The following RADIL variants were observed in gnomAD, a reference collection of about 807,000 sequenced individuals.
RADIL encodes Rap associating with DIL domain.
Under a neutral mutation model 97.6 loss-of-function variants are expected in RADIL, and 99 were observed. The ratio of observed to expected loss-of-function variants is 1.01; its 90% CI spans 0.86 to 1.20. RADIL has a LOEUF of 1.20. RADIL is among the 50% of genes most tolerant of loss of function. The pLI is 0.00. For missense variants in RADIL, 1,765 were observed against 1,498.9 expected, an observed-to-expected ratio of 1.18 and a Z score of -2.93; for synonymous variants, 803 against 691.8, an observed-to-expected ratio of 1.16 and a Z score of -2.52.
chr7:4,818,611 G>A lies in RADIL; in HGVS notation c.1616-1260C>T, dbSNP rs1423183241. Reference sequence around the variant, plus strand: ...TGTGCCCAGAAGCCTCCAGGCCTGTGGAGACACACAAGGTGGCCCGACGGC... The same window carrying A: ...TGTGCCCAGAAGCCTCCAGGCCTGTAGAGACACACAAGGTGGCCCGACGGC... On this transcript the variant is annotated intron_variant, in intron 6 of 14. Coordinates refer to ENST00000399583, the MANE Select transcript of RADIL (RefSeq NM_018059.5). This position sits in a 1 kb window ranked among gnomAD's most constrained non-coding sequence, Gnocchi z 7.1. Among the ~76,000 whole-genome samples the A allele has an allele frequency of 6.6e-6, 1 of 152,206 alleles. No individual in the cohort carries two copies. Among genetic ancestry groups the A allele is most frequent in the Non-Finnish European group, 1.5e-5 (1 of 68,044 alleles).
intron 2 of RADIL, among the ~76,000 whole-genome samples, chr7:4,848,177 G>A (rs1048463795): frequency 6.7e-6 from 1 of 150,182 alleles, no homozygotes; most frequent in African/African-American, 2.5e-5. Flanking sequence ...TCCAGCCTGG[G>A]TGACTGCACA....
chr7:4,801,049 C>CA (rs1782066774), intron 12 of RADIL, among the ~76,000 whole-genome samples: 1 of 152,226 alleles, frequency 6.6e-6, no homozygotes, highest in Non-Finnish European at 1.5e-5. Flanking sequence ...CACAGCCATG[C>CA]ACACATGTGC....
chr7:4,805,391 G>A lies in RADIL; in HGVS notation c.2290+175C>T, dbSNP rs1435831325. 7.1e-6 allele frequency: 5 copies of A among 700,382 alleles called. No homozygotes were observed. The South Asian group carries it at 2.4e-4, about 34-fold the overall frequency. 43.4% of individuals were successfully genotyped at this position (700,382 alleles called of 1,614,324 possible). A position where few individuals can be genotyped will look rare whatever the true frequency, so the allele number is the denominator to read the frequency against. Reference sequence around the variant, plus strand: ...GCCGAGGAGGTCCCCGGATCCCCAGGTTGGGGATGGGGCGGGGCGGGGGGG... The same window carrying A: ...GCCGAGGAGGTCCCCGGATCCCCAGATTGGGGATGGGGCGGGGCGGGGGGG... On this transcript the variant is annotated intron_variant, in intron 10 of 14. Coordinates refer to ENST00000399583, the MANE Select transcript of RADIL (RefSeq NM_018059.5).
At position 4,805,646 on chromosome 7, in the gene RADIL, T is replaced by A. The variant is rs1307854380; in HGVS notation, c.2210A>T (p.His737Leu). Reference sequence around the variant, plus strand: ...GCCCATGGCCGAGGCCAGCTGGTAGTGAGTCAGCAGCCGGTGCAGCTGTGC... The same window carrying A: ...GCCCATGGCCGAGGCCAGCTGGTAGAGAGTCAGCAGCCGGTGCAGCTGTGC... ...SPAQLHRLLT[H>L]YQLASAMGPM... The change falls in exon 10 of 15, where the codon CAC becomes CTC. Residue 737 changes from histidine to leucine, a missense_variant. His to Leu is a moderately conservative substitution (Grantham distance 99). Transcript: ENST00000399583. The A allele has an allele frequency of 1.9e-6, 3 of 1,611,698 alleles. No homozygotes were observed. The East Asian group carries it at 6.7e-5, about 36-fold the overall frequency.
At chr7:4,852,333 T>C (rs779949738) in intron 2 of RADIL, among the ~76,000 whole-genome samples, 4 of 152,162 alleles carry the variant, frequency 2.6e-5, no homozygotes, top group African/African-American at 9.7e-5. Context: ...GCTGAGAGAC[T>C]ACCCCAGGCC....
chr7:4,827,869 T>C (rs1783041144), intron 5 of RADIL, among the ~76,000 whole-genome samples: 4 of 152,028 alleles, frequency 2.6e-5, no homozygotes, highest in African/African-American at 9.7e-5. Flanking sequence ...GTGAACCTTG[T>C]TACTAAAATC....
chr7:4,808,235 C>A (rs1003350968), intron 9 of RADIL, among the ~76,000 whole-genome samples: 4 of 150,354 alleles, frequency 2.7e-5, no homozygotes, highest in Non-Finnish European at 3.0e-5. Flanking sequence ...CCCTCTCTCT[C>A]CCCGCTCCTC....
At chr7:4,851,147 G>C (rs1483050130) in intron 2 of RADIL, among the ~76,000 whole-genome samples, 2 of 151,616 alleles carry the variant, frequency 1.3e-5, no homozygotes, top group Non-Finnish European at 2.9e-5. Flanking sequence ...GGAAGTTGCA[G>C]TGAGCCGAGC....
At chr7:4,806,820 G>A (rs763908814) in intron 9 of RADIL, among the ~76,000 whole-genome samples, 5 of 152,184 alleles carry the variant, frequency 3.3e-5, no homozygotes, top group Admixed American at 2.0e-4. Flanking sequence ...GTCACCCTTC[G>A]GATTCTGCAG....
At chr7:4,832,345 G>A in intron 4 of RADIL, 167 bp from the exon 5 acceptor site, 2 of 663,282 alleles carry the variant, frequency 3.0e-6, no homozygotes, top group Admixed American at 2.3e-5. Context: ...TTTTCCATGT[G>A]ACTTCAACAT....
Position 4,873,618 on chromosome 7 carries a change from A to G in RADIL, c.535+3987T>C, listed in dbSNP as rs1038077733. The stretch of plus-strand genomic sequence containing the variant: ...CATCCCGCCGTCCTTTTGAAACTAC[A>G]CCACCCACTTCAGTAGGATTTGTTT... On this transcript the variant is annotated intron_variant, in intron 2 of 14. Transcript: ENST00000399583. The surrounding 1 kb of genome is among the most constrained non-coding windows in gnomAD (Gnocchi z 4.3). 6.6e-6 allele frequency among the ~76,000 whole-genome samples: 1 copy of G among 152,030 alleles called. No individual in the cohort carries two copies. Among genetic ancestry groups the G allele is most frequent in the Non-Finnish European group, 1.5e-5 (1 of 68,006 alleles).
chr7:4,861,903 G>A (rs1784018393), intron 2 of RADIL: 1 of 738,482 alleles, frequency 1.4e-6, no homozygotes, highest in Non-Finnish European at 1.9e-6. Context: ...GGAAGGGCAG[G>A]GCTTCTAGCT....
At chr7:4,808,887 T>C (rs1583269082) in intron 9 of RADIL, 2 of 847,182 alleles carry the variant, frequency 2.4e-6, no homozygotes, top group Non-Finnish European at 2.6e-6. Flanking sequence ...CCAACGCCAC[T>C]GCCCCCCGTT....
intron 2 of RADIL, chr7:4,859,963 A>C: frequency 6.2e-7 from 1 of 1,614,032 alleles, no homozygotes; most frequent in African/African-American, 1.3e-5. Context: ...GACATGTTGA[A>C]GAAACAACTC....
chr7:4,828,322 G>A (rs1783052036), intron 5 of RADIL, among the ~76,000 whole-genome samples: 1 of 152,240 alleles, frequency 6.6e-6, no homozygotes, highest in Non-Finnish European at 1.5e-5. Context: ...AGCTGGGCAT[G>A]GTGGCGTGCA....
chr7:4,876,624 C>CAG (rs57516358), intron 2 of RADIL, among the ~76,000 whole-genome samples: 13,879 of 152,196 alleles, frequency 0.091, 1,075 homozygotes, highest in African/African-American at 0.21. Context: ...ATGACACACA[C>CAG]CTATTAAGAT....
At chr7:4,852,008 C>T (rs1202983778) in intron 2 of RADIL, among the ~76,000 whole-genome samples, 1 of 152,200 alleles carries the variant, frequency 6.6e-6, no homozygotes, top group Non-Finnish European at 1.5e-5. Flanking sequence ...AGTTCAAGAG[C>T]ACTGTCCCTC....
chr7:4,799,416 T>C lies in RADIL; in HGVS notation c.3190A>G (p.Thr1064Ala), dbSNP rs547399191. ...RFLVAKSDVE[T>A]AKKIHFRTPP... ...GTGCGGAAATGGATCTTCTTGGCTG[T>C]TTCCACGTCGGACTTCGCGACCAGG... The change falls in exon 15 of 15, where the codon ACA (threonine) becomes GCA (alanine). Residue 1064 changes from threonine to alanine, a missense_variant. By Grantham distance (58) the Thr-to-Ala change is moderately conservative (BLOSUM62 0). Transcript: ENST00000399583. 7.5e-5 allele frequency: 121 copies of C among 1,613,794 alleles called. No homozygotes were observed. In the East Asian group the frequency reaches 1.6e-3, roughly 21 times the overall value.
intron 2 of RADIL, among the ~76,000 whole-genome samples, chr7:4,855,479 G>A (rs541289522): frequency 4.1e-4 from 63 of 152,080 alleles, no homozygotes; most frequent in Non-Finnish European, 7.4e-4. Flanking sequence ...GTGTGGGCCC[G>A]TCAACTGTGC....
Sources: gnomAD v4.1 joint callset for allele counts (sites outside exome capture counted in the v4.1 genomes callset) on GRCh38, gnomAD v4.1.1 for gene constraint, Gnocchi (gnomAD v3.1) non-coding constraint, MANE v1.5 for transcripts, NCBI Gene and HGNC (gene_info 2026-07-23, HGNC 2026-07-21) for gene names.